The following BBX variants were observed in gnomAD, a reference collection of about 807,000 sequenced individuals.
BBX encodes the protein HMG box transcription factor BBX.
A neutral mutation model predicts 100.2 loss-of-function variants in BBX; 30 were observed. The ratio of observed to expected loss-of-function variants is 0.30; its 90% confidence interval spans 0.22 to 0.41. The LOEUF (loss-of-function observed/expected upper bound fraction) is 0.41, where lower values mean the gene tolerates loss of function less well. BBX is among the 10% of genes least tolerant of loss of function. The pLI is 1.00. For synonymous variants in BBX, 376 were observed against 388.1 expected, an observed-to-expected ratio of 0.97 and a Z score of 0.37; for missense variants, 1,023 against 1,129.8, an observed-to-expected ratio of 0.91 and a Z score of 1.35.
At chr3:107,653,415 A>G (rs1013695784) in intron 3 of BBX, among the ~76,000 whole-genome samples, 4 of 152,172 alleles carry the variant, frequency 2.6e-5, no homozygotes, top group Admixed American at 6.5e-5. Context: ...AAGAGATGCA[A>G]TGTGATACCT....
At chr3:107,542,649 G>A (rs2048940242) in intron 2 of BBX, among the ~76,000 whole-genome samples, 1 of 152,206 alleles carries the variant, frequency 6.6e-6, no homozygotes, top group Admixed American at 6.5e-5. Flanking sequence ...GCAACAACCT[G>A]TGAAGTAGGA....
chr3:107,604,710 G>T (rs1355254361), intron 2 of BBX, among the ~76,000 whole-genome samples: 1 of 152,028 alleles, frequency 6.6e-6, no homozygotes, highest in East Asian at 1.9e-4. Flanking sequence ...CTTAAATCAG[G>T]CCTCTCCTTC....
At chr3:107,709,456 C>G (rs917782249) in intron 3 of BBX, among the ~76,000 whole-genome samples, 1 of 152,200 alleles carries the variant, frequency 6.6e-6, no homozygotes, top group African/African-American at 2.4e-5. Context: ...TGCAAACATA[C>G]TGAGCAAATA....
At chr3:107,758,042 T>G (rs2065623217) in intron 10 of BBX, among the ~76,000 whole-genome samples, 1 of 152,168 alleles carries the variant, frequency 6.6e-6, no homozygotes, top group South Asian at 2.1e-4. Context: ...AGTCATCCTT[T>G]GGTAGAGGGT....
intron 9 of BBX, among the ~76,000 whole-genome samples, chr3:107,755,138 T>C (rs1315714367): frequency 1.3e-5 from 2 of 152,244 alleles, no homozygotes; most frequent in Non-Finnish European, 2.9e-5. Flanking sequence ...TGCTGTCATA[T>C]GGCCTTGCAC....
chr3:107,621,141 T>C (rs541481749), intron 2 of BBX, among the ~76,000 whole-genome samples: 1 of 152,296 alleles, frequency 6.6e-6, no homozygotes, highest in South Asian at 2.1e-4. Context: ...AGTTACTGTC[T>C]AAAAGTTTTC....
intron 2 of BBX, among the ~76,000 whole-genome samples, chr3:107,638,778 T>TACACAC (rs2057008063): frequency 4.6e-5 from 1 of 21,628 alleles, no homozygotes; most frequent in Non-Finnish European, 9.1e-5. Flanking sequence ...AAAAAAAAAG[T>TACACAC]ATACACACAC....
intron 4 of BBX, among the ~76,000 whole-genome samples, chr3:107,715,274 C>G (rs1044116492): frequency 4.6e-5 from 7 of 152,114 alleles, no homozygotes; most frequent in African/African-American, 7.2e-5. Flanking sequence ...TTCTCAGGAC[C>G]CACTCCATAC....
chr3:107,696,834 C>T (rs919147734), intron 3 of BBX, among the ~76,000 whole-genome samples: 5 of 151,486 alleles, frequency 3.3e-5, no homozygotes, highest in Admixed American at 6.6e-5. Flanking sequence ...TTCAGGTACA[C>T]CAATCAGACA....
At chr3:107,563,334 A>G (rs949162044) in intron 2 of BBX, among the ~76,000 whole-genome samples, 1 of 152,176 alleles carries the variant, frequency 6.6e-6, no homozygotes, top group Non-Finnish European at 1.5e-5. Flanking sequence ...AGCCAGACTG[A>G]AGGCAGTACC....
At chr3:107,538,728 C>T (rs1371207271) in intron 2 of BBX, among the ~76,000 whole-genome samples, 1 of 151,866 alleles carries the variant, frequency 6.6e-6, no homozygotes, top group Non-Finnish European at 1.5e-5. Context: ...ATAAAGTATA[C>T]ATAAGGGAGC....
At chr3:107,583,991 TTATTA>T (rs2052506913) in intron 2 of BBX, among the ~76,000 whole-genome samples, 1 of 67,568 alleles carries the variant, frequency 1.5e-5, no homozygotes, top group Admixed American at 2.1e-4. Flanking sequence ...TTATTATATA[TTATTA>T]TATTATTATA....
At chr3:107,798,397 C>T (rs1481433094) in intron 15 of BBX, 126 bp from the exon 16 acceptor site, 1 of 854,852 alleles carries the variant, frequency 1.2e-6, no homozygotes, top group Non-Finnish European at 1.8e-6. Context: ...TCCATCAGTA[C>T]TTTGAAAACT....
At chr3:107,647,029 A>C (rs2057558662) in intron 3 of BBX, among the ~76,000 whole-genome samples, 1 of 152,170 alleles carries the variant, frequency 6.6e-6, no homozygotes, top group Admixed American at 6.5e-5. Context: ...AATGCCAGTG[A>C]GAAGATTGGA....
intron 13 of BBX, among the ~76,000 whole-genome samples, chr3:107,782,435 T>C (rs873093): frequency 0.31 from 46,555 of 151,900 alleles, 8,149 homozygotes; most frequent in Middle Eastern, 0.53. Flanking sequence ...AACATGAAAC[T>C]ATAGAACCTG....
intron 5 of BBX, among the ~76,000 whole-genome samples, chr3:107,723,656 A>T (rs575916869): frequency 3.6e-4 from 54 of 151,890 alleles, no homozygotes; most frequent in African/African-American, 1.3e-3. Flanking sequence ...TGAGAACATG[A>T]GGTATTTGTT....
chr3:107,563,703 G>T (rs1024591538), intron 2 of BBX, among the ~76,000 whole-genome samples: 2 of 152,054 alleles, frequency 1.3e-5, no homozygotes, highest in Non-Finnish European at 2.9e-5. Flanking sequence ...TTTATTGTTT[G>T]CTGTTTTACA....
chr3:107,762,411 C>T (rs2065968573), intron 10 of BBX, among the ~76,000 whole-genome samples: 1 of 152,196 alleles, frequency 6.6e-6, no homozygotes, highest in Non-Finnish European at 1.5e-5. Flanking sequence ...TGTTCTGTGA[C>T]CAGTTATCTC....
At chr3:107,563,864 C>T (rs1403535562) in intron 2 of BBX, among the ~76,000 whole-genome samples, 1 of 152,092 alleles carries the variant, frequency 6.6e-6, no homozygotes, top group East Asian at 1.9e-4. Context: ...AATAAAAGAG[C>T]ACATTTTCTC....
Sources: gnomAD v4.1 joint callset for allele counts (sites outside exome capture counted in the v4.1 genomes callset) on GRCh38, gnomAD v4.1.1 for gene constraint, MANE v1.5 for transcripts, NCBI Gene and HGNC (gene_info 2026-07-23, HGNC 2026-07-21) for gene names.